ESPL1: variants seen among roughly 807,000 people sequenced by gnomAD.
The protein encoded by ESPL1 is separin.
ESPL1 carries 50 observed loss-of-function variants against 217.2 expected under a neutral mutation model. That is an observed-to-expected ratio of 0.23 (90% CI 0.18 to 0.29). The LOEUF (loss-of-function observed/expected upper bound fraction) is 0.29. Among genes scored for constraint, ESPL1 ranks in the 10% least tolerant of loss-of-function variants. ESPL1 has a pLI of 1.00. For synonymous variants in ESPL1, 994 were observed against 1,081.3 expected (o/e 0.92, Z 1.58); for missense variants, 1,834 against 2,603.0 (o/e 0.70, Z 6.43).
Position 53,288,283 on chromosome 12 carries a change from C to A in ESPL1, c.4488C>A (p.Asn1496Lys), listed in dbSNP as rs142928188. The A allele has an allele frequency of 6.2e-7, 1 of 1,605,704 alleles. No individual in the cohort carries two copies. Among genetic ancestry groups the A allele is most frequent in the Non-Finnish European group, 8.5e-7 (1 of 1,176,742 alleles). The change falls in exon 19 of 31, where the codon AAC becomes AAA. Residue 1496 changes from asparagine (N) to lysine (K), a missense_variant. Around this residue, in one of 5 missense-constraint regions of ESPL1, gnomAD observed 681 missense variants for 808.0 expected, o/e 0.84. Coordinates refer to ENST00000257934, the MANE Select transcript of ESPL1 (RefSeq NM_012291.5). ...TCCCTGAGGAAGAACTGACTGACAA[C>A]TGGAGAAAAATGAGCTTTGAGATCC... ...RTIPEEELTD[N>K]WRKMSFEILR...
chr12:53,281,620 C>A lies in ESPL1; in HGVS notation c.2613C>A (p.His871Gln), dbSNP rs761987373. The part of the protein sequence containing the change: ...DLLRSQLYWT[H>Q]QKVTKGVSLL... ...TTCGAAGTCAACTCTACTGGACTCACCAGAAGGTATTTCTCACTTTCTTAA... is the reference window on the plus strand; with the variant it reads ...TTCGAAGTCAACTCTACTGGACTCAACAGAAGGTATTTCTCACTTTCTTAA... Residue 871 changes from histidine (H) to glutamine (Q), a missense_variant, in exon 13 of 31, where the codon CAC (histidine) becomes CAA (glutamine). Coordinates refer to ENST00000257934, the MANE Select transcript of ESPL1 (RefSeq NM_012291.5). 8.1e-6 allele frequency: 13 copies of A among 1,612,644 alleles called. No homozygotes were observed. The highest frequency in any genetic ancestry group is 1.1e-5 in the Non-Finnish European group (13 of 1,179,420).
chr12:53,286,259 G>A lies in ESPL1; in HGVS notation c.3523G>A (p.Gly1175Ser), dbSNP rs891953297. 1 of 1,614,188 alleles carries A rather than the reference G, an allele frequency of 6.2e-7. No individual in the cohort carries two copies. ...LVTAGVRLAMGHQAQGLDLLQ... is the reference protein window; with the variant it reads ...LVTAGVRLAMSHQAQGLDLLQ... ...CACGGCAGGGGTGAGGCTGGCCATG[G>A]GCCACCAAGCCCAGGGTCTGGATCT... The change falls in exon 18 of 31, where the codon GGC (glycine) becomes AGC (serine). Residue 1175 changes from glycine (G) to serine (S), a missense_variant. This residue lies in a region of ESPL1 where 681 missense variants were observed against 808.0 expected (regional missense o/e 0.84). Coordinates refer to ENST00000257934, the MANE Select transcript of ESPL1 (RefSeq NM_012291.5). The surrounding 1 kb of genome is among the most constrained non-coding windows in gnomAD (Gnocchi z 5.3).
In ESPL1 at chr12:53,282,953, C is replaced by T. The variant is rs145761858; in HGVS notation, c.2792-176C>T. On this transcript the variant is annotated intron_variant, in intron 14 of 30. Coordinates refer to ENST00000257934, the MANE Select transcript of ESPL1 (RefSeq NM_012291.5). This position sits in a 1 kb window ranked among gnomAD's most constrained non-coding sequence, Gnocchi z 4.0. ...ACAGGCTTGGGCCACTGCGCCCAGC[C>T]AGCTGAAAGGATTCTGAGACCCCAG... Among the ~76,000 whole-genome samples the T allele has an allele frequency of 4.3e-3, 652 of 152,372 alleles. 7 individuals are homozygous for T. The highest frequency in any genetic ancestry group is 0.015 in the African/African-American group (624 of 41,596).
At chr12:53,270,322 G>A (rs1177341391) in intron 3 of ESPL1, 56 bp from the exon 4 acceptor site, 6 of 1,301,922 alleles carry the variant, frequency 4.6e-6, no homozygotes, top group Non-Finnish European at 6.7e-6. Flanking sequence ...TCAGTCTTCA[G>A]CTTGGAGCCC....
Position 53,288,719 on chromosome 12 carries a change from T to C in ESPL1, c.4708+20T>C, listed in dbSNP as rs1327872577. On this transcript the variant is annotated intron_variant, in intron 20 of 30. Coordinates refer to ENST00000257934, the MANE Select transcript of ESPL1 (RefSeq NM_012291.5). ...CCACTGGTGAATATGCGACCCCTGATGTTGGTCACTTGGAGAGGGCTGAGC... is the reference window on the plus strand; with the variant it reads ...CCACTGGTGAATATGCGACCCCTGACGTTGGTCACTTGGAGAGGGCTGAGC... 3 of 1,598,740 alleles carry C rather than the reference T, an allele frequency of 1.9e-6. No homozygotes were observed. The African/African-American group carries it at 4.0e-5, about 22-fold the overall frequency.
Position 53,292,623 on chromosome 12 carries a change from G to A in ESPL1, c.5962G>A (p.Val1988Met). 6.2e-7 allele frequency: 1 copy of A among 1,613,040 alleles called. No homozygotes were observed. Among genetic ancestry groups the A allele is most frequent in the African/African-American group, 1.3e-5 (1 of 75,040 alleles). Residue 1988 changes from valine (V) to methionine (M), a missense_variant, in exon 29 of 31, where the codon GTG (valine) becomes ATG (methionine). Val to Met is a conservative substitution (Grantham distance 21, BLOSUM62 1). Transcript: ENST00000257934. The surrounding 1 kb of genome is among the most constrained non-coding windows in gnomAD (Gnocchi z 4.5). Reference protein sequence around the residue: ...VVGEVPRPEQVQEALTKHDLY... With the variant: ...VVGEVPRPEQMQEALTKHDLY... Reference sequence around the variant, plus strand: ...TGGGGAGGTGCCAAGACCTGAACAGGTGCAGGAAGCCCTGACAAAGCATGA... The same window carrying A: ...TGGGGAGGTGCCAAGACCTGAACAGATGCAGGAAGCCCTGACAAAGCATGA...
At chr12:53,273,884 C>G (rs1163222188) in intron 6 of ESPL1, among the ~76,000 whole-genome samples, 2 of 71,988 alleles carry the variant, frequency 2.8e-5, no homozygotes, top group Non-Finnish European at 4.9e-5. Context: ...GAGTCTTGCT[C>G]TTGCTTTGTC....
At chr12:53,291,914 T>A in intron 26 of ESPL1, 54 bp downstream of exon 26, 1 of 1,596,252 alleles carries the variant, frequency 6.3e-7, no homozygotes, top group Non-Finnish European at 8.6e-7. Flanking sequence ...TACCAACTCA[T>A]CCCCATGCCC....
chr12:53,287,289 G>T (rs1943965659), intron 18 of ESPL1: 1 of 165,982 alleles, frequency 6.0e-6, no homozygotes, highest in Admixed American at 6.1e-5. Context: ...AACCAGGATG[G>T]TCTTGATCTC....
At chr12:53,279,924 C>A in intron 12 of ESPL1, 58 bp downstream of exon 12, 1 of 1,488,468 alleles carries the variant, frequency 6.7e-7, no homozygotes, top group Middle Eastern at 1.8e-4. Flanking sequence ...TTTAGAGGCC[C>A]ACCTCTGAGA....
rs147744221 is a variant in ESPL1, at chr12:53,282,142, A to T, written c.2620-122A>T. On this transcript the variant is annotated intron_variant, in intron 13 of 30. Transcript: ENST00000257934. This position sits in a 1 kb window ranked among gnomAD's most constrained non-coding sequence, Gnocchi z 4.0. ...TCGAAAGCCAGGCAAATATTCAGAA[A>T]ATTCTAAAATCTTTCTAATACCCAG... is the stretch of plus-strand genomic sequence containing the variant. 3 of 795,228 alleles carry T rather than the reference A, an allele frequency of 3.8e-6. No homozygotes were observed. Among genetic ancestry groups the T allele is most frequent in the Non-Finnish European group, 6.3e-6 (3 of 478,102 alleles). The allele number at this position is 795,228 out of a possible 1,614,324, so 49.3% of individuals were successfully genotyped here.
In ESPL1 at chr12:53,292,538, C is replaced by G; in HGVS notation, c.5913-36C>G. ...TCTTTGCCACCTGACCCCTGCCATGCATTTCCCTATTCTCACACCTGCCTT... is the reference window on the plus strand; with the variant it reads ...TCTTTGCCACCTGACCCCTGCCATGGATTTCCCTATTCTCACACCTGCCTT... On this transcript the variant is annotated intron_variant, in intron 28 of 30. Transcript: ENST00000257934. This position sits in a 1 kb window ranked among gnomAD's most constrained non-coding sequence, Gnocchi z 4.5. The G allele has an allele frequency of 6.4e-7, 1 of 1,564,706 alleles. No individual in the cohort carries two copies. The highest frequency in any genetic ancestry group is 8.8e-7 in the Non-Finnish European group (1 of 1,137,570).
In ESPL1 at chr12:53,284,044, CCT is replaced by C; in HGVS notation, c.3078-8_3078-7del. 6.3e-7 allele frequency: 1 copy of C among 1,578,942 alleles called. No individual in the cohort carries two copies. The highest frequency in any genetic ancestry group is 8.7e-7 in the Non-Finnish European group (1 of 1,148,030). ...GGATTCCTCTGATTGGTTCTCCTCT[CCT>C]CTCTCAACAAGGTGTGCCCTGTTCC... On this transcript the variant is annotated splice_polypyrimidine_tract_variant and intron_variant, in intron 16 of 30. Transcript: ENST00000257934.
rs371461220 is a variant in ESPL1 at position 53,271,172 on chromosome 12, G to GGTTTTTTT, written c.1369+374_1369+375insGTTTTTTT. Among the ~76,000 whole-genome samples, 8 of 117,770 alleles carry GGTTTTTTT rather than the reference G, an allele frequency of 6.8e-5. 2 individuals are homozygous for GGTTTTTTT. Among genetic ancestry groups the GGTTTTTTT allele is most frequent in the Non-Finnish European group, 8.3e-5 (5 of 60,362 alleles). The allele number at this position is 117,770 out of a possible 152,430, so 77.3% of individuals were successfully genotyped here. A position where few individuals can be genotyped will look rare whatever the true frequency, so the allele number is the denominator to read the frequency against. On this transcript the variant is annotated intron_variant, in intron 5 of 30. Coordinates refer to ENST00000257934, the MANE Select transcript of ESPL1 (RefSeq NM_012291.5). The stretch of plus-strand genomic sequence containing the variant: ...AAATGACCTTTCTGTATATTTAAGT[G>GGTTTTTTT]TTTTTTTTTTTTTTTTTTTGAGACA...
chr12:53,284,278 C>G (rs1943909929), intron 17 of ESPL1, 111 bp downstream of exon 17: 3 of 722,204 alleles, frequency 4.2e-6, no homozygotes, highest in Non-Finnish European at 7.4e-6. Flanking sequence ...GACAGAGTCT[C>G]ACTTTATTAC....
At chr12:53,275,095 G>C in intron 7 of ESPL1, 85 bp downstream of exon 7, 1 of 1,118,306 alleles carries the variant, frequency 8.9e-7, no homozygotes, top group Non-Finnish European at 1.2e-6. Flanking sequence ...TTGAGGTCAG[G>C]AGTTTGAGAC....
intron 17 of ESPL1, among the ~76,000 whole-genome samples, chr12:53,285,010 CAAA>C (rs546915854): frequency 1.0e-5 from 1 of 100,462 alleles, no homozygotes; most frequent in African/African-American, 3.7e-5. Flanking sequence ...GACTCTGACT[CAAA>C]AAAAAAAAAA....
chr12:53,287,742 C>CT (rs1374876825), intron 18 of ESPL1: 2 of 469,426 alleles, frequency 4.3e-6, no homozygotes, highest in Non-Finnish European at 7.6e-6. Flanking sequence ...TCTAATGTTT[C>CT]TTTTACCTTT....
Position 53,283,185 on chromosome 12 carries a change from ATCC to A in ESPL1, c.2853_2855del (p.Leu953del), listed in dbSNP as rs778942815. On this transcript the variant is annotated inframe_deletion, in exon 15 of 31. Coordinates refer to ENST00000257934, the MANE Select transcript of ESPL1 (RefSeq NM_012291.5). ...CTCCCATAAGCTCCTCCGAAGCATC[ATCC>A]TCCTGCTGATGGGCAGTGACATTCT... 2 of 1,614,210 alleles carry A rather than the reference ATCC, an allele frequency of 1.2e-6. No homozygotes were observed. The highest frequency in any genetic ancestry group is 3.3e-5 in the Admixed American group (2 of 60,022).
Sources: gnomAD v4.1 joint callset for allele counts (sites outside exome capture counted in the v4.1 genomes callset) on GRCh38, gnomAD v4.1.1 for gene constraint, gnomAD v4.1.1 regional missense constraint, Gnocchi (gnomAD v3.1) non-coding constraint, MANE v1.5 for transcripts, NCBI Gene and HGNC (gene_info 2026-07-23, HGNC 2026-07-21) for gene names.